The following FHIT variants were observed in gnomAD, a reference collection of about 807,000 sequenced individuals.
FHIT encodes the protein bis(5'-adenosyl)-triphosphatase.
Under a neutral mutation model 17.9 loss-of-function variants are expected in FHIT, and 19 were observed. The ratio of observed to expected loss-of-function variants is 1.06; its 90% CI spans 0.74 to 1.56. FHIT has a LOEUF of 1.56. FHIT is among the 40% of genes most tolerant of loss of function. The pLI is 0.00. For missense variants in FHIT, 248 were observed against 189.2 expected (o/e 1.31, Z -1.82); for synonymous variants, 81 against 69.7 (o/e 1.16, Z -0.81).
chr3:60,639,835 C>G (rs929791181), intron 4 of FHIT, among the ~76,000 whole-genome samples: 1 of 152,154 alleles, frequency 6.6e-6, no homozygotes, highest in African/African-American at 2.4e-5. Context: ...CATGTCCACA[C>G]AAATATCTAT....
intron 5 of FHIT, among the ~76,000 whole-genome samples, chr3:60,231,552 C>G (rs749554301): frequency 5.9e-5 from 9 of 152,142 alleles, no homozygotes; most frequent in African/African-American, 9.7e-5. Flanking sequence ...GCTTTTATCA[C>G]TGAACAAGAC....
intron 5 of FHIT, among the ~76,000 whole-genome samples, chr3:60,455,390 G>A (rs1047861109): frequency 6.6e-6 from 1 of 152,028 alleles, no homozygotes; most frequent in African/African-American, 2.4e-5. Context: ...CCATTTACAA[G>A]GTGACTGATG....
intron 3 of FHIT, among the ~76,000 whole-genome samples, chr3:60,895,719 T>G (rs985528360): frequency 7.5e-6 from 1 of 133,456 alleles, no homozygotes; most frequent in Admixed American, 7.4e-5. Flanking sequence ...TCTTTCTTTC[T>G]TTCTTTCTTT....
chr3:60,076,097 T>A (rs1376968183), intron 5 of FHIT, among the ~76,000 whole-genome samples: 1 of 152,134 alleles, frequency 6.6e-6, no homozygotes, highest in Non-Finnish European at 1.5e-5. Flanking sequence ...AATACTTTCA[T>A]ACATCAAGAC....
chr3:60,783,687 AGG>A (rs369489299), intron 4 of FHIT, among the ~76,000 whole-genome samples: 37 of 152,060 alleles, frequency 2.4e-4, no homozygotes, highest in African/African-American at 8.7e-4. Flanking sequence ...CTGTGTAAAA[AGG>A]GGGACTAATG....
intron 5 of FHIT, among the ~76,000 whole-genome samples, chr3:60,315,536 G>A (rs1438502190): frequency 6.6e-6 from 1 of 152,140 alleles, no homozygotes; most frequent in Non-Finnish European, 1.5e-5. Flanking sequence ...TCATGTGTAG[G>A]AAATCACATA....
At chr3:60,635,067 A>G (rs535681663) in intron 4 of FHIT, among the ~76,000 whole-genome samples, 6 of 150,550 alleles carry the variant, frequency 4.0e-5, no homozygotes, top group Non-Finnish European at 7.4e-5. Flanking sequence ...AATGTTTCCA[A>G]TTAGCACCCT....
At chr3:59,970,144 G>A (rs1341424787) in intron 7 of FHIT, among the ~76,000 whole-genome samples, 1 of 151,966 alleles carries the variant, frequency 6.6e-6, no homozygotes, top group South Asian at 2.1e-4. Context: ...CAAAAAGGAT[G>A]GTCTTTATGA....
chr3:61,145,703 A>T (rs2037207592), intron 2 of FHIT, among the ~76,000 whole-genome samples: 1 of 152,046 alleles, frequency 6.6e-6, no homozygotes, highest in South Asian at 2.1e-4. Flanking sequence ...TCTTTCAACT[A>T]CTTTCTAGTT....
At chr3:60,234,004 C>A (rs1212586161) in intron 5 of FHIT, among the ~76,000 whole-genome samples, 1 of 152,156 alleles carries the variant, frequency 6.6e-6, no homozygotes, top group Non-Finnish European at 1.5e-5. Flanking sequence ...AGCATGAGAA[C>A]AGATTAACAG....
At chr3:60,432,676 T>A (rs6446127) in intron 5 of FHIT, among the ~76,000 whole-genome samples, 3,490 of 152,164 alleles carry the variant, frequency 0.023, 63 homozygotes, top group African/African-American at 0.05. Flanking sequence ...TAAAAACTGT[T>A]TATGAAAAAT....
intron 7 of FHIT, among the ~76,000 whole-genome samples, chr3:59,979,950 C>G (rs768083243): frequency 6.6e-6 from 1 of 152,126 alleles, no homozygotes; most frequent in Non-Finnish European, 1.5e-5. Context: ...ATAAGGTCAG[C>G]TGACAACACT....
intron 4 of FHIT, among the ~76,000 whole-genome samples, chr3:60,743,746 G>T (rs2108014181): frequency 6.6e-6 from 1 of 152,264 alleles, no homozygotes; most frequent in South Asian, 2.1e-4. Context: ...GAGGGGCCTG[G>T]AGGAATTAAG....
intron 2 of FHIT, among the ~76,000 whole-genome samples, chr3:61,144,776 C>G (rs1402261919): frequency 6.6e-6 from 1 of 152,154 alleles, no homozygotes; most frequent in African/African-American, 2.4e-5. Flanking sequence ...TTGGTTTGAT[C>G]TAATTTGACT....
intron 3 of FHIT, among the ~76,000 whole-genome samples, chr3:60,974,175 G>A (rs916971042): frequency 2.6e-5 from 4 of 152,156 alleles, no homozygotes; most frequent in African/African-American, 9.7e-5. Context: ...ATAGCCAGTA[G>A]AAAACCTCTG....
At chr3:60,576,227 T>C (rs2037560953) in intron 4 of FHIT, among the ~76,000 whole-genome samples, 2 of 101,044 alleles carry the variant, frequency 2.0e-5, no homozygotes, top group South Asian at 5.7e-4. Flanking sequence ...ATATGATTGG[T>C]AAAATTTTTT....
chr3:60,081,283 A>G (rs1196532969), intron 5 of FHIT, among the ~76,000 whole-genome samples: 3 of 152,194 alleles, frequency 2.0e-5, no homozygotes, highest in Non-Finnish European at 4.4e-5. Flanking sequence ...GGTTCTGCAT[A>G]TTAAAATTTA....
chr3:60,912,871 C>T, intron 3 of FHIT: 1 of 470,100 alleles, frequency 2.1e-6, no homozygotes, highest in Non-Finnish European at 4.2e-6. Context: ...TTGAGTCACT[C>T]ATCACTGGGT....
chr3:60,354,310 CTTATT>C (rs1335440243), intron 5 of FHIT, among the ~76,000 whole-genome samples: 3 of 152,082 alleles, frequency 2.0e-5, no homozygotes, highest in East Asian at 3.9e-4. Flanking sequence ...TATTCCTATC[CTTATT>C]TTAAACTTTT....
Sources: allele counts gnomAD v4.1 joint callset (sites outside exome capture counted in the v4.1 genomes callset), GRCh38; gene constraint gnomAD v4.1.1; transcripts MANE v1.5; gene names NCBI Gene and HGNC (gene_info 2026-07-23, HGNC 2026-07-21).